TPP2: variants seen among roughly 807,000 people sequenced by gnomAD.
The protein encoded by TPP2 is tripeptidyl-peptidase 2.
Under a neutral mutation model 155.9 loss-of-function variants are expected in TPP2, and 34 were observed. The ratio of observed to expected loss-of-function variants is 0.22; its 90% confidence interval spans 0.17 to 0.29. The LOEUF (loss-of-function observed/expected upper bound fraction) is 0.29, where lower values mean the gene tolerates loss of function less well. Ranked by LOEUF, TPP2 falls within the 10% of genes least tolerant of loss-of-function variation. The pLI is 1.00. For synonymous variants in TPP2, 510 were observed against 529.4 expected, an observed-to-expected ratio of 0.96 and a Z score of 0.50; for missense variants, 1,028 against 1,522.3, an observed-to-expected ratio of 0.68 and a Z score of 5.40.
intron 15 of TPP2, 57 bp from the exon 16 acceptor site, chr13:102,640,213 G>T: frequency 7.9e-7 from 1 of 1,263,382 alleles, no homozygotes; most frequent in Non-Finnish European, 1.1e-6. Context: ...ATGAAATCTA[G>T]AGTATCTGTG....
chr13:102,641,154 G>A (rs565508937), intron 16 of TPP2, among the ~76,000 whole-genome samples: 27 of 152,290 alleles, frequency 1.8e-4, no homozygotes, highest in Non-Finnish European at 3.8e-4. Flanking sequence ...AGTCCTGTGA[G>A]AGTGCTCATG....
chr13:102,602,763 C>T (rs187267676), intron 1 of TPP2, among the ~76,000 whole-genome samples: 2 of 152,302 alleles, frequency 1.3e-5, no homozygotes, highest in East Asian at 3.9e-4. Context: ...AGACCCAGAG[C>T]AGTGGACATT....
At chr13:102,667,745 G>A (rs958560255) in intron 27 of TPP2, 2 of 985,436 alleles carry the variant, frequency 2.0e-6, no homozygotes, top group African/African-American at 3.5e-5. Context: ...CAGATTACCT[G>A]TGTCACCCCC....
rs865881047 is a variant in TPP2 at position 102,637,618 on chromosome 13, G to A, written c.1836+379G>A. 1.1e-4 allele frequency among the ~76,000 whole-genome samples: 16 copies of A among 152,192 alleles called. 3 individuals are homozygous for A. Among genetic ancestry groups the A allele is most frequent in the Middle Eastern group, 6.8e-3 (2 of 294 alleles). On this transcript the variant is annotated intron_variant, in intron 14 of 29. Coordinates refer to ENST00000376052, the MANE Select transcript of TPP2 (RefSeq NM_001330588.2). ...CAGGCTGGAGTACAGTGGTGTGATCGTGGTTCGCTGCAGCCTTGAACTCTT... is the reference window on the plus strand; with the variant it reads ...CAGGCTGGAGTACAGTGGTGTGATCATGGTTCGCTGCAGCCTTGAACTCTT...
intron 21 of TPP2, 25 bp downstream of exon 21, chr13:102,647,369 G>T: frequency 6.2e-7 from 1 of 1,600,978 alleles, no homozygotes; most frequent in Non-Finnish European, 8.5e-7. Flanking sequence ...GTGATTTTTA[G>T]AATTAACGGA....
chr13:102,665,034 C>T (rs1884498533), intron 27 of TPP2, 109 bp downstream of exon 27: 1 of 1,320,798 alleles, frequency 7.6e-7, no homozygotes. Flanking sequence ...TTTGTTATAT[C>T]CTTATAATGG....
chr13:102,628,845 C>T (rs149034472), intron 8 of TPP2, among the ~76,000 whole-genome samples: 1 of 152,236 alleles, frequency 6.6e-6, no homozygotes, highest in Non-Finnish European at 1.5e-5. Flanking sequence ...TAACTTTCAT[C>T]CTCTTGAAGC....
intron 14 of TPP2, 56 bp from the exon 15 acceptor site, chr13:102,638,183 C>T: frequency 1.3e-6 from 2 of 1,513,556 alleles, no homozygotes; most frequent in Non-Finnish European, 1.8e-6. Flanking sequence ...AGACCTTCCC[C>T]CGCTCTTTTA....
Position 102,644,916 on chromosome 13 carries a change from C to T in TPP2, c.2300C>T (p.Ser767Leu). 1 of 1,613,524 alleles carries T rather than the reference C, an allele frequency of 6.2e-7. No homozygotes were observed. Among genetic ancestry groups the T allele is most frequent in the Non-Finnish European group, 8.5e-7 (1 of 1,179,744 alleles). Residue 767 changes from serine (S) to leucine (L), a missense_variant, in exon 19 of 30, where the codon TCG becomes TTG. Transcript: ENST00000376052. ...CTAPQLNIHASEGINRFDVQS... is the reference protein window; with the variant it reads ...CTAPQLNIHALEGINRFDVQS... ...TTGAGAAATCCTTTGTAGCATGCAT[C>T]GGAAGGAATCAACCGCTTTGATGTT...
intron 24 of TPP2, among the ~76,000 whole-genome samples, chr13:102,656,448 C>G (rs924262334): frequency 6.6e-6 from 1 of 152,112 alleles, no homozygotes; most frequent in African/African-American, 2.4e-5. Flanking sequence ...AAGATATTAC[C>G]TCTTCAGAGT....
intron 24 of TPP2, 31 bp downstream of exon 24, chr13:102,651,428 C>G: frequency 6.4e-7 from 1 of 1,558,864 alleles, no homozygotes; most frequent in Non-Finnish European, 8.7e-7. Context: ...AAAAAGATGT[C>G]TTAAAGCCTT....
intron 27 of TPP2, among the ~76,000 whole-genome samples, chr13:102,671,775 CT>C (rs1286255885): frequency 6.6e-6 from 1 of 152,106 alleles, no homozygotes; most frequent in Non-Finnish European, 1.5e-5. Flanking sequence ...TCTTTGTTAT[CT>C]TTGCCCGGTA....
intron 2 of TPP2, among the ~76,000 whole-genome samples, chr13:102,606,076 G>A (rs1040798410): frequency 7.2e-5 from 11 of 152,144 alleles, no homozygotes; most frequent in Non-Finnish European, 4.4e-5. Context: ...TAAGCTAAAC[G>A]TAAAAAATAA....
At chr13:102,629,097 A>C (rs1881843615) in intron 8 of TPP2, among the ~76,000 whole-genome samples, 1 of 152,172 alleles carries the variant, frequency 6.6e-6, no homozygotes, top group Non-Finnish European at 1.5e-5. Flanking sequence ...TTTCCACAAA[A>C]GTTACTGGTT....
At chr13:102,601,760 C>T (rs1195399508) in intron 1 of TPP2, among the ~76,000 whole-genome samples, 2 of 152,154 alleles carry the variant, frequency 1.3e-5, no homozygotes, top group Non-Finnish European at 2.9e-5. Context: ...AGGGGGTTTG[C>T]CTTTTTAAAA....
intron 27 of TPP2, 85 bp downstream of exon 27, chr13:102,665,010 T>C (rs1884496875): frequency 1.3e-6 from 2 of 1,505,472 alleles, no homozygotes; most frequent in African/African-American, 1.4e-5. Context: ...ATAGAGGATA[T>C]TGCTTTTCTG....
rs1183106275 is a variant in TPP2 at position 102,663,687 on chromosome 13, A to G, written c.3183A>G (p.Thr1061=). The change falls in exon 26 of 30, where the codon ACA becomes ACG. Residue 1061 remains threonine, a synonymous_variant. Coordinates refer to ENST00000376052, the MANE Select transcript of TPP2 (RefSeq NM_001330588.2). ...ACATTTATAACGAATTGAAAGAAAC[A>G]TATCCTAATTATCTTCCTCTGTACG... ...SSDIYNELKE[T]YPNYLPLYVA... is the part of the protein sequence containing the mutation. The G allele has an allele frequency of 1.9e-6, 3 of 1,608,628 alleles. No individual in the cohort carries two copies. Among genetic ancestry groups the G allele is most frequent in the Admixed American group, 1.7e-5 (1 of 59,136 alleles).
At chr13:102,674,571 G>T in intron 28 of TPP2, 81 bp downstream of exon 28, 1 of 1,379,862 alleles carries the variant, frequency 7.2e-7, no homozygotes. Flanking sequence ...CTGGTTAAAA[G>T]AGGAAGAAGA....
chr13:102,662,756 A>T (rs1884315504), intron 25 of TPP2, among the ~76,000 whole-genome samples: 1 of 152,124 alleles, frequency 6.6e-6, no homozygotes, highest in South Asian at 2.1e-4. Flanking sequence ...ATATTAAGTG[A>T]CTTTAATGTA....
Sources: allele counts gnomAD v4.1 joint callset (sites outside exome capture counted in the v4.1 genomes callset), GRCh38; gene constraint gnomAD v4.1.1; transcripts MANE v1.5; gene names NCBI Gene and HGNC (gene_info 2026-07-23, HGNC 2026-07-21).